The following TMEM51 variants were observed in gnomAD, a reference collection of about 807,000 sequenced individuals.
The protein encoded by TMEM51 is chromosome 1 open reading frame 72.
TMEM51 carries 8 observed loss-of-function variants against 13.6 expected under a neutral mutation model. The ratio of observed to expected loss-of-function variants is 0.59; its 90% CI spans 0.35 to 1.07. The LOEUF (loss-of-function observed/expected upper bound fraction) is 1.07, where lower values mean the gene tolerates loss of function less well. Among genes scored for constraint, TMEM51 ranks in the 50% least tolerant of loss-of-function variants. TMEM51 has a pLI of 0.02. For missense variants in TMEM51, 279 were observed against 330.7 expected, an observed-to-expected ratio of 0.84 and a Z score of 1.21; for synonymous variants, 147 against 144.4, an observed-to-expected ratio of 1.02 and a Z score of -0.13.
chr1:15,175,254 G>A (rs953659040), intron 1 of TMEM51, among the ~76,000 whole-genome samples: 3 of 152,126 alleles, frequency 2.0e-5, no homozygotes, highest in Non-Finnish European at 4.4e-5. Flanking sequence ...ACAAAAATTA[G>A]CTGGACGTTG....
intron 1 of TMEM51, among the ~76,000 whole-genome samples, chr1:15,156,148 G>A (rs893127172): frequency 6.6e-6 from 1 of 152,298 alleles, no homozygotes; most frequent in South Asian, 2.1e-4. Context: ...CTGCCAGAGA[G>A]AAGTAGTGAG....
chr1:15,189,437 G>A (rs943390042), intron 1 of TMEM51, among the ~76,000 whole-genome samples: 1 of 151,954 alleles, frequency 6.6e-6, no homozygotes, highest in African/African-American at 2.4e-5. Context: ...ACCCTTGCTG[G>A]CCTTCACCTC....
chr1:15,180,954 T>C (rs1352977419), intron 1 of TMEM51, among the ~76,000 whole-genome samples: 1 of 152,182 alleles, frequency 6.6e-6, no homozygotes, highest in East Asian at 1.9e-4. Flanking sequence ...CACCATGCTG[T>C]CATCAGCTTT....
intron 1 of TMEM51, among the ~76,000 whole-genome samples, chr1:15,190,445 G>C (rs1349209512): frequency 6.6e-6 from 1 of 152,146 alleles, no homozygotes; most frequent in Non-Finnish European, 1.5e-5. Flanking sequence ...ACATTGTCTA[G>C]ATCCACCTGA....
At chr1:15,185,233 A>T (rs1643739234) in intron 1 of TMEM51, among the ~76,000 whole-genome samples, 1 of 152,196 alleles carries the variant, frequency 6.6e-6, no homozygotes, top group Admixed American at 6.5e-5. Flanking sequence ...AATCTGTTCT[A>T]TTCCTACCCC....
At position 15,210,749 on chromosome 1, in the gene TMEM51, G is replaced by A. The variant is rs571658691; in HGVS notation, c.-194+187G>A. On this transcript the variant is annotated intron_variant, in intron 2 of 3. Coordinates refer to ENST00000376008, the MANE Select transcript of TMEM51 (RefSeq NM_001136218.2). The stretch of plus-strand genomic sequence containing the variant: ...GCCTACTGTGTTTTAGGGACATATT[G>A]GAAGCCGTGTGGTCCAAATCCTCTA... 3.3e-5 allele frequency among the ~76,000 whole-genome samples: 5 copies of A among 152,274 alleles called. No homozygotes were observed. The South Asian group carries it at 1.0e-3, about 32-fold the overall frequency.
chr1:15,164,950 G>A lies in TMEM51; in HGVS notation c.-267+10996G>A, dbSNP rs187582412. The stretch of plus-strand genomic sequence containing the variant: ...CCCGAGTAGCTGGGACTACAGGTGC[G>A]CGCCACCACACCCAGCTAATTTTTG... On this transcript the variant is annotated intron_variant, in intron 1 of 3. Coordinates refer to ENST00000376008, the MANE Select transcript of TMEM51 (RefSeq NM_001136218.2). Among the ~76,000 whole-genome samples the A allele has an allele frequency of 3.7e-3, 556 of 150,296 alleles. 6 individuals are homozygous for A. Among genetic ancestry groups the A allele is most frequent in the African/African-American group, 0.013 (527 of 39,996 alleles).
At chr1:15,174,786 T>A (rs1402916695) in intron 1 of TMEM51, among the ~76,000 whole-genome samples, 1 of 152,204 alleles carries the variant, frequency 6.6e-6, no homozygotes, top group Non-Finnish European at 1.5e-5. Flanking sequence ...GATGGCCGCC[T>A]ACTCACTGTG....
chr1:15,215,298 G>C lies in TMEM51; in HGVS notation c.211G>C (p.Gly71Arg). The change falls in exon 3 of 4, where the codon GGG becomes CGG. Residue 71 changes from glycine (G) to arginine (R), a missense_variant. By Grantham distance (125) the Gly-to-Arg change is moderately radical. Coordinates refer to ENST00000376008, the MANE Select transcript of TMEM51 (RefSeq NM_001136218.2). ...CTTCTCTGTGGCCTACGTGCTGGTC[G>C]GGGCCGGGGTGATGCTGCTGCTGCT... ...KTFSVAYVLV[G>R]AGVMLLLLSI... is the part of the protein sequence containing the mutation. The C allele has an allele frequency of 6.2e-7, 1 of 1,614,202 alleles. No homozygotes were observed. The highest frequency in any genetic ancestry group is 8.5e-7 in the Non-Finnish European group (1 of 1,180,048).
chr1:15,153,771 C>A lies in TMEM51; in HGVS notation c.-450C>A, dbSNP rs926619611. 15 of 152,092 alleles carry A rather than the reference C, an allele frequency of 9.9e-5. No individual in the cohort carries two copies. Among genetic ancestry groups the A allele is most frequent in the African/African-American group, 3.6e-4 (15 of 41,412 alleles). 9.4% of individuals were successfully genotyped at this position (152,092 alleles called of 1,614,324 possible). On this transcript the variant is annotated 5_prime_UTR_variant, in exon 1 of 4. Coordinates refer to ENST00000376008, the MANE Select transcript of TMEM51 (RefSeq NM_001136218.2). ...CAGGCCGCGCTTCCTGCGTCCCCAACCCGGTCCCTGAGAGGGCAGTGCGCC... is the reference window on the plus strand; with the variant it reads ...CAGGCCGCGCTTCCTGCGTCCCCAAACCGGTCCCTGAGAGGGCAGTGCGCC...
intron 1 of TMEM51, among the ~76,000 whole-genome samples, chr1:15,160,000 G>A (rs1380302404): frequency 6.6e-6 from 1 of 152,126 alleles, no homozygotes; most frequent in African/African-American, 2.4e-5. Context: ...TTTTAAGATC[G>A]TGGACTCACA....
intron 1 of TMEM51, among the ~76,000 whole-genome samples, chr1:15,158,997 A>G (rs1257290518): frequency 1.3e-5 from 2 of 152,196 alleles, no homozygotes; most frequent in East Asian, 1.9e-4. Context: ...CTCCTCCTGC[A>G]TGGTAAGAAC....
chr1:15,167,977 C>G (rs1195069139), intron 1 of TMEM51, among the ~76,000 whole-genome samples: 2 of 152,164 alleles, frequency 1.3e-5, no homozygotes, highest in African/African-American at 2.4e-5. Flanking sequence ...AAAAGGATGT[C>G]CAATGAAAAA....
intron 1 of TMEM51, among the ~76,000 whole-genome samples, chr1:15,205,533 G>A (rs986665425): frequency 4.6e-5 from 7 of 152,100 alleles, no homozygotes; most frequent in African/African-American, 1.7e-4. Flanking sequence ...AATTGAATCC[G>A]TCATTCTTTT....
At chr1:15,195,667 A>G (rs1264107740) in intron 1 of TMEM51, among the ~76,000 whole-genome samples, 6 of 152,180 alleles carry the variant, frequency 3.9e-5, no homozygotes, top group Non-Finnish European at 8.8e-5. Context: ...AGGGCTTGCT[A>G]TATGACATGT....
At chr1:15,202,748 G>A (rs1644180418) in intron 1 of TMEM51, among the ~76,000 whole-genome samples, 1 of 152,104 alleles carries the variant, frequency 6.6e-6, no homozygotes. Flanking sequence ...GTCCAAAAAG[G>A]CACTTTTTCC....
intron 1 of TMEM51, among the ~76,000 whole-genome samples, chr1:15,174,770 C>T (rs1431629617): frequency 6.6e-6 from 1 of 152,164 alleles, no homozygotes; most frequent in African/African-American, 2.4e-5. Context: ...CTCTTCCTGG[C>T]TTGCAGATGG....
intron 1 of TMEM51, among the ~76,000 whole-genome samples, chr1:15,155,583 C>T (rs1456560184): frequency 6.6e-6 from 1 of 152,126 alleles, no homozygotes; most frequent in South Asian, 2.1e-4. Flanking sequence ...GAACTGGAGT[C>T]CCCCCAGGGA....
At chr1:15,202,503 G>A (rs990558129) in intron 1 of TMEM51, among the ~76,000 whole-genome samples, 1 of 152,182 alleles carries the variant, frequency 6.6e-6, no homozygotes, top group African/African-American at 2.4e-5. Flanking sequence ...GGCAGGGCTG[G>A]TTCCTCCAGA....
Sources: allele counts gnomAD v4.1 joint callset (sites outside exome capture counted in the v4.1 genomes callset), GRCh38; gene constraint gnomAD v4.1.1; transcripts MANE v1.5; gene names NCBI Gene and HGNC (gene_info 2026-07-23, HGNC 2026-07-21).